Variants in PPP1R15B observed in about 807,000 individuals in gnomAD.
The protein encoded by PPP1R15B is protein phosphatase 1, regulatory (inhibitor) subunit 15B.
Under a neutral mutation model 53.9 loss-of-function variants are expected in PPP1R15B, and 31 were observed. That is an observed-to-expected ratio of 0.58 (90% confidence interval 0.43 to 0.78). The LOEUF (loss-of-function observed/expected upper bound fraction) is 0.78, where lower values mean the gene tolerates loss of function less well. PPP1R15B is among the 30% of genes least tolerant of loss of function. The probability of loss-of-function intolerance (pLI) is 0.00; values close to 1 mark genes in which losing one functional copy is unlikely to be tolerated. For synonymous variants in PPP1R15B, 345 were observed against 329.1 expected (o/e 1.05, Z -0.52); for missense variants, 928 against 849.6 (o/e 1.09, Z -1.15).
chr1:204,398,672 C>T (rs1674127224), downstream of PPP1R15B, among the ~76,000 whole-genome samples: 1 of 152,112 alleles, frequency 6.6e-6, no homozygotes, highest in Non-Finnish European at 1.5e-5. Context: ...GGAGCAATAG[C>T]AACCAGATCT....
At chr1:204,400,408 C>A (rs1362522293), downstream of PPP1R15B, among the ~76,000 whole-genome samples, 1 of 151,388 alleles carries the variant, frequency 6.6e-6, no homozygotes, top group African/African-American at 2.4e-5. Flanking sequence ...TGCAGTGATT[C>A]AATCACAGCT....
chr1:204,410,775 T>C lies in PPP1R15B; in HGVS notation c.637A>G (p.Ile213Val), dbSNP rs1558217209. 2.2e-5 allele frequency: 35 copies of C among 1,614,186 alleles called. No homozygotes were observed. Among genetic ancestry groups the C allele is most frequent in the Non-Finnish European group, 3.0e-5 (35 of 1,180,042 alleles). Residue 213 changes from isoleucine to valine, a missense_variant, in exon 1 of 2, where the codon ATA becomes GTA. Physicochemically the swap from Ile to Val is conservative, Grantham distance 29. Transcript: ENST00000367188. ...TAGGATACCACACTGAAATTGTCTA[T>C]GCGTTGAATGTTTAGAGGCCCAGAG... ...SPSGPLNIQR[I>V]DNFSVVSYLL...
intron 1 of PPP1R15B, among the ~76,000 whole-genome samples, chr1:204,408,547 AACTC>A (rs1168332630): frequency 6.6e-6 from 1 of 152,210 alleles, no homozygotes; most frequent in Non-Finnish European, 1.5e-5. Context: ...GGTCAATAAT[AACTC>A]ACCCACTAAC....
rs930252610 is a variant in PPP1R15B at position 204,404,226 on chromosome 1, A to C, written c.*1866T>G. The stretch of plus-strand genomic sequence containing the variant: ...TAAAGTGGAGGTGCACAAAACACAC[A>C]GAATCCCAGCACTTTGAGAGGCCGA... On this transcript the variant is annotated 3_prime_UTR_variant, in exon 2 of 2. Transcript: ENST00000367188. The C allele has an allele frequency of 1.0e-6, 1 of 985,280 alleles. No individual in the cohort carries two copies. The highest frequency in any genetic ancestry group is 1.2e-6 in the Non-Finnish European group (1 of 829,876). The allele number at this position is 985,280 out of a possible 1,614,324, so 61.0% of individuals were successfully genotyped here.
In PPP1R15B at chr1:204,409,662, C is replaced by A. The variant is rs1281578497; in HGVS notation, c.1750G>T (p.Gly584Cys). The A allele has an allele frequency of 6.2e-7, 1 of 1,614,084 alleles. No homozygotes were observed. The highest frequency in any genetic ancestry group is 8.5e-7 in the Non-Finnish European group (1 of 1,180,004). ...PFQTSGENEK[G>C]CRDSKTPSES... ...GATGGGGTCTTTGAGTCACGACAGC[C>A]TTTCTCATTTTCCCCTGATGTTTGA... is the stretch of plus-strand genomic sequence containing the variant. Residue 584 changes from glycine (G) to cysteine (C), a missense_variant, in exon 1 of 2, where the codon GGC becomes TGC. Physicochemically the swap from Gly to Cys is radical, Grantham distance 159. Transcript: ENST00000367188.
downstream of PPP1R15B, among the ~76,000 whole-genome samples, chr1:204,398,009 C>T (rs1018936476): frequency 6.6e-6 from 1 of 151,884 alleles, no homozygotes. Flanking sequence ...CTTGTTATGT[C>T]GGGAGGGAGC....
intron 1 of PPP1R15B, among the ~76,000 whole-genome samples, 178 bp downstream of exon 1, chr1:204,409,314 T>TG (rs1283374673): frequency 3.3e-5 from 5 of 151,828 alleles, no homozygotes. Flanking sequence ...TGCATTGGGG[T>TG]GGGGGGTGAG....
chr1:204,402,062 T>C (rs763621085), downstream of PPP1R15B, among the ~76,000 whole-genome samples: 2 of 152,268 alleles, frequency 1.3e-5, no homozygotes, highest in Non-Finnish European at 2.9e-5. Context: ...AATGTAAATG[T>C]AGCCATTTTC....
Position 204,405,267 on chromosome 1 carries a change from A to G in PPP1R15B, c.*825T>C. ...TTATGATGTAATTATTACTTTCCAGAGTGTTTTGCAATAACTTCAACCTGT... is the reference window on the plus strand; with the variant it reads ...TTATGATGTAATTATTACTTTCCAGGGTGTTTTGCAATAACTTCAACCTGT... On this transcript the variant is annotated 3_prime_UTR_variant, in exon 2 of 2. Coordinates refer to ENST00000367188, the MANE Select transcript of PPP1R15B (RefSeq NM_032833.5). 3 of 978,778 alleles carry G rather than the reference A, an allele frequency of 3.1e-6. No homozygotes were observed. Among genetic ancestry groups the G allele is most frequent in the Non-Finnish European group, 3.6e-6 (3 of 823,532 alleles). 60.6% of individuals were successfully genotyped at this position (978,778 alleles called of 1,614,324 possible). A position where few individuals can be genotyped will look rare whatever the true frequency, so the allele number is the denominator to read the frequency against.
rs1674242166 is a variant in PPP1R15B, at chr1:204,405,094, A to G, written c.*998T>C. 1.1e-5 allele frequency: 11 copies of G among 985,858 alleles called. No homozygotes were observed. Among genetic ancestry groups the G allele is most frequent in the African/African-American group, 1.7e-5 (1 of 57,364 alleles). 61.1% of individuals were successfully genotyped at this position (985,858 alleles called of 1,614,324 possible). On this transcript the variant is annotated 3_prime_UTR_variant, in exon 2 of 2. Transcript: ENST00000367188. ...TCCAATTTTACAGTGGGATCCTGACAGGTTTTAAAAGTGACAGTGCTGAGG... is the reference window on the plus strand; with the variant it reads ...TCCAATTTTACAGTGGGATCCTGACGGGTTTTAAAAGTGACAGTGCTGAGG...
In PPP1R15B at chr1:204,411,727, C is replaced by T; in HGVS notation, c.-316G>A. 2.3e-6 allele frequency: 1 copy of T among 439,600 alleles called. No homozygotes were observed. Among genetic ancestry groups the T allele is most frequent in the Non-Finnish European group, 4.1e-6 (1 of 243,404 alleles). The allele number at this position is 439,600 out of a possible 1,614,324, so 27.2% of individuals were successfully genotyped here. A position where few individuals can be genotyped will look rare whatever the true frequency, so the allele number is the denominator to read the frequency against. ...CCCCCACGGCCTCGGCGATGGTTTT[C>T]CGACTGACAGAGGGTTGAAAAGCCC... On this transcript the variant is annotated 5_prime_UTR_variant, in exon 1 of 2. Coordinates refer to ENST00000367188, the MANE Select transcript of PPP1R15B (RefSeq NM_032833.5).
Position 204,404,397 on chromosome 1 carries a change from A to C in PPP1R15B, c.*1695T>G. 2.0e-6 allele frequency: 1 copy of C among 502,758 alleles called. No homozygotes were observed. Among genetic ancestry groups the C allele is most frequent in the Non-Finnish European group, 2.6e-6 (1 of 389,394 alleles). The allele number at this position is 502,758 out of a possible 1,614,324, so 31.1% of individuals were successfully genotyped here. A position where few individuals can be genotyped will look rare whatever the true frequency, so the allele number is the denominator to read the frequency against. On this transcript the variant is annotated 3_prime_UTR_variant, in exon 2 of 2. Transcript: ENST00000367188. ...CTACTCGGGAGGCTGAGGCAGGAGA[A>C]TCGCGTGAACCCAGGAGGCGGAGGT...
At position 204,410,131 on chromosome 1, in the gene PPP1R15B, A is replaced by C; in HGVS notation, c.1281T>G (p.Asp427Glu). Residue 427 changes from aspartate (D) to glutamate (E), a missense_variant, in exon 1 of 2, where the codon GAT (aspartate) becomes GAG (glutamate). Asp to Glu is a conservative substitution (Grantham distance 45). Transcript: ENST00000367188. The stretch of plus-strand genomic sequence containing the variant: ...CACTGGATGCACCTCCCAAAATATA[A>C]TCTATCAGTTTGTTACTACAAGCTG... ...ARPACSNKLI[D>E]YILGGASSDL... The C allele has an allele frequency of 6.2e-7, 1 of 1,613,980 alleles. No individual in the cohort carries two copies. The highest frequency in any genetic ancestry group is 8.5e-7 in the Non-Finnish European group (1 of 1,180,000).
At position 204,404,028 on chromosome 1, in the gene PPP1R15B, T is replaced by C. The variant is rs1674221191; in HGVS notation, c.*2064A>G. Reference sequence around the variant, plus strand: ...GTTTAAGAAACAGGAAACACAACGTTAAGTCTCGGAAATAAAATGTTTCAG... The same window carrying C: ...GTTTAAGAAACAGGAAACACAACGTCAAGTCTCGGAAATAAAATGTTTCAG... On this transcript the variant is annotated 3_prime_UTR_variant, in exon 2 of 2. Coordinates refer to ENST00000367188, the MANE Select transcript of PPP1R15B (RefSeq NM_032833.5). The C allele has an allele frequency of 1.0e-6, 1 of 985,308 alleles. No homozygotes were observed. The highest frequency in any genetic ancestry group is 4.7e-5 in the South Asian group (1 of 21,290). The allele number at this position is 985,308 out of a possible 1,614,324, so 61.0% of individuals were successfully genotyped here. A position where few individuals can be genotyped will look rare whatever the true frequency, so the allele number is the denominator to read the frequency against.
In PPP1R15B at chr1:204,405,585, T is replaced by G. The variant is rs1674251191; in HGVS notation, c.*507A>C. ...AGTTGGTAGCATACACAAGGTTATT[T>G]TTTAGCCTAACATAGACAGGCCAAA... On this transcript the variant is annotated 3_prime_UTR_variant, in exon 2 of 2. Coordinates refer to ENST00000367188, the MANE Select transcript of PPP1R15B (RefSeq NM_032833.5). 5 of 980,796 alleles carry G rather than the reference T, an allele frequency of 5.1e-6. No homozygotes were observed. The highest frequency in any genetic ancestry group is 6.1e-6 in the Non-Finnish European group (5 of 825,782). The allele number at this position is 980,796 out of a possible 1,614,324, so 60.8% of individuals were successfully genotyped here.
downstream of PPP1R15B, chr1:204,403,304 C>A (rs2103441760): frequency 4.1e-6 from 2 of 493,804 alleles, no homozygotes; most frequent in Non-Finnish European, 2.6e-6. Context: ...TGCAATTATA[C>A]TAATCCTGCT....
At chr1:204,407,727 A>G (rs1034016040) in intron 1 of PPP1R15B, among the ~76,000 whole-genome samples, 1 of 152,174 alleles carries the variant, frequency 6.6e-6, no homozygotes, top group Non-Finnish European at 1.5e-5. Context: ...ATCTCATCTA[A>G]TCCTCACATT....
Position 204,411,613 on chromosome 1 carries a change from G to C in PPP1R15B, c.-202C>G. The C allele has an allele frequency of 1.5e-6, 1 of 653,770 alleles. No individual in the cohort carries two copies. The highest frequency in any genetic ancestry group is 2.6e-6 in the Non-Finnish European group (1 of 386,478). 40.5% of individuals were successfully genotyped at this position (653,770 alleles called of 1,614,324 possible). ...CAGAACACAGGGAAGAACAGCCCGC[G>C]CAATAGGCGGCGACTGATGCGACTT... On this transcript the variant is annotated 5_prime_UTR_variant, in exon 1 of 2. Transcript: ENST00000367188.
chr1:204,396,391 A>AAAAC (rs1165285987), downstream of PPP1R15B, among the ~76,000 whole-genome samples: 92 of 147,804 alleles, frequency 6.2e-4, no homozygotes, highest in African/African-American at 2.2e-3. Context: ...AACAAAAAAA[A>AAAAC]AAAAACAAAA....
Sources: allele counts gnomAD v4.1 joint callset (sites outside exome capture counted in the v4.1 genomes callset), GRCh38; gene constraint gnomAD v4.1.1; transcripts MANE v1.5; gene names NCBI Gene and HGNC (gene_info 2026-07-23, HGNC 2026-07-21).